Variants in POU2F3 observed in about 807,000 individuals in gnomAD.
POU2F3 encodes the protein POU class 2 homeobox 3, also known as POU domain, class 2, transcription factor 3.
A neutral mutation model predicts 59.2 loss-of-function variants in POU2F3; 23 were observed. The observed-to-expected ratio is 0.39, with a 90% CI of 0.28 to 0.55. The LOEUF (loss-of-function observed/expected upper bound fraction) is 0.55. POU2F3 is among the 20% of genes least tolerant of loss of function. The pLI, the probability that POU2F3 is intolerant of heterozygous loss-of-function variation, is 0.66. For synonymous variants in POU2F3, 190 were observed against 214.6 expected, an observed-to-expected ratio of 0.89 and a Z score of 1.00; for missense variants, 473 against 544.5, an observed-to-expected ratio of 0.87 and a Z score of 1.31.
intron 2 of POU2F3, among the ~76,000 whole-genome samples, chr11:120,264,809 C>G (rs1212581883): frequency 6.6e-6 from 1 of 152,220 alleles, no homozygotes; most frequent in African/African-American, 2.4e-5. Flanking sequence ...AGGACTCTTT[C>G]TAAGCATACC....
chr11:120,302,654 A>G (rs1353652951), intron 6 of POU2F3: 3 of 372,696 alleles, frequency 8.0e-6, no homozygotes. Flanking sequence ...AGGCCCCAGC[A>G]TTGCTCCTCT....
intron 8 of POU2F3, among the ~76,000 whole-genome samples, chr11:120,306,813 G>A (rs1200997800): frequency 6.6e-6 from 1 of 152,180 alleles, no homozygotes; most frequent in Non-Finnish European, 1.5e-5. Flanking sequence ...TCCCCCTACA[G>A]GCTGTCCCTT....
At chr11:120,262,145 A>G (rs1443582302) in intron 2 of POU2F3, among the ~76,000 whole-genome samples, 4 of 152,242 alleles carry the variant, frequency 2.6e-5, no homozygotes, top group Non-Finnish European at 4.4e-5. Flanking sequence ...GCACAGGGCC[A>G]GGTGCTTTCA....
At chr11:120,286,459 T>A (rs4936513) in intron 3 of POU2F3, among the ~76,000 whole-genome samples, 61,638 of 151,960 alleles carry the variant, frequency 0.41, 14,686 homozygotes, top group East Asian at 0.86. Flanking sequence ...ACCTATTTGA[T>A]TGTATTTATT....
At chr11:120,259,233 C>G (rs1441002968) in intron 2 of POU2F3, 1 of 152,208 alleles carries the variant, frequency 6.6e-6, no homozygotes, top group African/African-American at 2.4e-5. Context: ...GATGTTGACT[C>G]TTCTCTGGGT....
intron 3 of POU2F3, 41 bp from the exon 4 acceptor site, chr11:120,298,224 G>A (rs754055602): frequency 1.5e-5 from 24 of 1,577,550 alleles, no homozygotes; most frequent in Admixed American, 7.2e-5. Flanking sequence ...ACTGCCTGAC[G>A]GGATCCAGCA....
chr11:120,282,499 C>T (rs1565373238), intron 3 of POU2F3, among the ~76,000 whole-genome samples: 1 of 152,008 alleles, frequency 6.6e-6, no homozygotes, highest in Non-Finnish European at 1.5e-5. Flanking sequence ...CTACTAAAAA[C>T]ATAAAAACTA....
upstream of POU2F3, among the ~76,000 whole-genome samples, chr11:120,238,856 G>C (rs1004413637): frequency 4.4e-5 from 3 of 68,414 alleles, no homozygotes; most frequent in African/African-American, 6.3e-5. Context: ...AAAAAAAAAA[G>C]AACACGGAAC....
intron 11 of POU2F3, among the ~76,000 whole-genome samples, chr11:120,315,853 C>T (rs1941770296): frequency 6.9e-6 from 1 of 145,682 alleles, no homozygotes; most frequent in Non-Finnish European, 1.5e-5. Flanking sequence ...TTATCAATAG[C>T]ACTTCCTTCC....
chr11:120,247,126 T>C (rs770886051), intron 2 of POU2F3, among the ~76,000 whole-genome samples: 1 of 152,136 alleles, frequency 6.6e-6, no homozygotes, highest in Non-Finnish European at 1.5e-5. Flanking sequence ...AAAGAAGAAT[T>C]AAAAAAGAGA....
At chr11:120,273,679 C>G (rs1026553930) in intron 3 of POU2F3, among the ~76,000 whole-genome samples, 3 of 152,118 alleles carry the variant, frequency 2.0e-5, no homozygotes, top group Admixed American at 6.5e-5. Context: ...CAGTGGAATG[C>G]TGCTGTAGCC....
chr11:120,305,839 G>T, intron 8 of POU2F3, 54 bp downstream of exon 8: 2 of 1,597,444 alleles, frequency 1.3e-6, no homozygotes, highest in East Asian at 2.2e-5. Flanking sequence ...GCAGGGAAGG[G>T]CCAGTGACTT....
intron 6 of POU2F3, 166 bp downstream of exon 6, chr11:120,302,534 G>C (rs7129256): frequency 3.3e-6 from 2 of 601,710 alleles, no homozygotes; most frequent in Non-Finnish European, 5.7e-6. Context: ...TACAGCAAGT[G>C]GGGGGACAAT....
intron 2 of POU2F3, among the ~76,000 whole-genome samples, chr11:120,263,811 G>A (rs904030388): frequency 3.9e-5 from 6 of 152,282 alleles, no homozygotes; most frequent in South Asian, 4.1e-4. Context: ...TTCCAAAGAC[G>A]GAGCCAGGGC....
intron 3 of POU2F3, among the ~76,000 whole-genome samples, chr11:120,288,128 C>CAAAAAAAAAAAAAAAAAAAAAAAAAA: frequency 1.1e-4 from 7 of 63,326 alleles, no homozygotes; most frequent in Admixed American, 2.5e-4. Flanking sequence ...ACAAAAAAAC[C>CAAAAAAAAAAAAAAAAAAAAAAAAAA]AAAAAAAAAA....
chr11:120,288,036 T>C (rs1940847484), intron 3 of POU2F3, among the ~76,000 whole-genome samples: 1 of 145,158 alleles, frequency 6.9e-6, no homozygotes, highest in Admixed American at 7.0e-5. Context: ...AGAGATAAAC[T>C]TGATTGTGAG....
At chr11:120,258,646 T>C (rs1043234619) in intron 2 of POU2F3, among the ~76,000 whole-genome samples, 8 of 152,192 alleles carry the variant, frequency 5.3e-5, no homozygotes, top group South Asian at 2.1e-4. Context: ...AGTTGGACTT[T>C]TACTATTTTT....
intron 2 of POU2F3, among the ~76,000 whole-genome samples, chr11:120,264,475 T>G (rs547792958): frequency 4.6e-5 from 7 of 152,266 alleles, no homozygotes; most frequent in African/African-American, 1.7e-4. Flanking sequence ...AGTTGGGTCT[T>G]GAAGGGTGAG....
chr11:120,268,645 A>T (rs1057151129), intron 2 of POU2F3, among the ~76,000 whole-genome samples: 1 of 152,332 alleles, frequency 6.6e-6, no homozygotes, highest in South Asian at 2.1e-4. Flanking sequence ...TCCAGCCACC[A>T]AAAGACATTT....
Sources: gnomAD v4.1 joint callset for allele counts (sites outside exome capture counted in the v4.1 genomes callset) on GRCh38, gnomAD v4.1.1 for gene constraint, MANE v1.5 for transcripts, NCBI Gene and HGNC (gene_info 2026-07-23, HGNC 2026-07-21) for gene names.